The following TOLLIP variants were observed in gnomAD, a reference collection of about 807,000 sequenced individuals.
TOLLIP encodes toll-interacting protein.
A neutral mutation model predicts 33.5 loss-of-function variants in TOLLIP; 16 were observed. The observed-to-expected ratio is 0.48, with a 90% CI of 0.32 to 0.72. The LOEUF (loss-of-function observed/expected upper bound fraction) is 0.72. Among genes scored for constraint, TOLLIP ranks in the 30% least tolerant of loss-of-function variants. The pLI is 0.03. For missense variants in TOLLIP, 325 were observed against 396.6 expected (o/e 0.82, Z 1.53); for synonymous variants, 176 against 163.7 (o/e 1.07, Z -0.57).
intron 2 of TOLLIP, chr11:1,295,430 C>T (rs1276863498): frequency 3.9e-5 from 21 of 536,304 alleles, no homozygotes. Context: ...CCTACACCCA[C>T]TACTCATCAC....
chr11:1,280,990 C>T (rs1476044853), intron 5 of TOLLIP, among the ~76,000 whole-genome samples: 1 of 152,206 alleles, frequency 6.6e-6, no homozygotes, highest in Non-Finnish European at 1.5e-5. Flanking sequence ...GCCAGCCTGG[C>T]GGAGAGTCTC....
chr11:1,302,517 C>T, intron 1 of TOLLIP: 2 of 933,996 alleles, frequency 2.1e-6, no homozygotes, highest in Non-Finnish European at 1.3e-6. Flanking sequence ...TCCCCATGCC[C>T]ACTCAGCTGC....
At chr11:1,286,173 T>C (rs577070169) in intron 4 of TOLLIP, 81 bp from the exon 5 acceptor site, 2 of 1,103,692 alleles carry the variant, frequency 1.8e-6, no homozygotes, top group Non-Finnish European at 1.3e-6. Context: ...TCCCCACAAT[T>C]GCCCTCCCCA....
intron 5 of TOLLIP, chr11:1,283,312 C>T: frequency 3.0e-6 from 1 of 331,844 alleles, no homozygotes; most frequent in East Asian, 8.6e-5. Flanking sequence ...CCCCTCCAGG[C>T]CAAGGGAGGC....
intron 2 of TOLLIP, 34 bp downstream of exon 2, chr11:1,295,610 GC>G: frequency 1.3e-6 from 2 of 1,505,146 alleles, no homozygotes; most frequent in African/African-American, 2.8e-5. Flanking sequence ...GAGCGCACCA[GC>G]CCCAGGCAGG....
intron 4 of TOLLIP, among the ~76,000 whole-genome samples, 187 bp downstream of exon 4, chr11:1,288,437 G>A (rs1207754561): frequency 2.6e-5 from 4 of 152,226 alleles, no homozygotes; most frequent in Admixed American, 6.5e-5. Flanking sequence ...GGAGCAGTGG[G>A]CAGGGCAGCC....
rs1863394847 is a variant in TOLLIP at position 1,278,825 on chromosome 11, C to T, written c.611-1572G>A. Among the ~76,000 whole-genome samples, 3 of 152,220 alleles carry T rather than the reference C, an allele frequency of 2.0e-5. No individual in the cohort carries two copies. On this transcript the variant is annotated intron_variant, in intron 5 of 5. Coordinates refer to ENST00000317204, the MANE Select transcript of TOLLIP (RefSeq NM_019009.4). The surrounding 1 kb of genome is among the most constrained non-coding windows in gnomAD (Gnocchi z 4.7). The stretch of plus-strand genomic sequence containing the variant: ...ACCCTTTCTTCTTCCTCAAACAAGA[C>T]AAAGGCTTGGGCGCTGTCTGTCCTG...
chr11:1,300,300 C>T (rs886582877), intron 1 of TOLLIP, among the ~76,000 whole-genome samples: 5 of 152,176 alleles, frequency 3.3e-5, no homozygotes, highest in Non-Finnish European at 5.9e-5. Flanking sequence ...CAGAGGATCA[C>T]GACGCAAGCC....
chr11:1,281,561 G>C (rs375415946), intron 5 of TOLLIP, among the ~76,000 whole-genome samples: 4 of 152,190 alleles, frequency 2.6e-5, no homozygotes, highest in Admixed American at 2.6e-4. Context: ...TCTGGGCAGC[G>C]ATCAGCAGGC....
At chr11:1,304,034 T>TAAAAAAA (rs1190313088) in intron 1 of TOLLIP, among the ~76,000 whole-genome samples, 1 of 87,928 alleles carries the variant, frequency 1.1e-5, no homozygotes, top group Non-Finnish European at 2.4e-5. Flanking sequence ...AGCCTCCATG[T>TAAAAAAA]AAAAAAAAAA....
rs992126576 is a variant in TOLLIP, at chr11:1,277,203, C to G, written c.661G>C (p.Ala221Pro). ...CAGCGGGGCTGGGCGTTCACGGCGG[C>G]CGGGGGCAGGGCCACGGGCACCATG... Reference protein sequence around the residue: ...PGMVPVALPPAAVNAQPRCSE... With the variant: ...PGMVPVALPPPAVNAQPRCSE... Residue 221 changes from alanine to proline, a missense_variant, in exon 6 of 6, where the codon GCC (alanine) becomes CCC (proline). By Grantham distance (27) the Ala-to-Pro change is conservative. Transcript: ENST00000317204. This position sits in a 1 kb window ranked among gnomAD's most constrained non-coding sequence, Gnocchi z 4.2. The G allele has an allele frequency of 1.3e-6, 2 of 1,596,790 alleles. No individual in the cohort carries two copies. Among genetic ancestry groups the G allele is most frequent in the African/African-American group, 2.7e-5 (2 of 74,624 alleles).
rs561219579 is a variant in TOLLIP at position 1,303,388 on chromosome 11, C to T, written c.33+6078G>A. Among the ~76,000 whole-genome samples, 5 of 152,288 alleles carry T rather than the reference C, an allele frequency of 3.3e-5. No homozygotes were observed. In the East Asian group the frequency reaches 5.8e-4, roughly 18 times the overall value. ...GGCCCTGGGCGCCGGGCACAGGGCG[C>T]GCGCTGCGGCAGCCTCTGCGTGTCA... is the stretch of plus-strand genomic sequence containing the variant. On this transcript the variant is annotated intron_variant, in intron 1 of 5. Transcript: ENST00000317204. The surrounding 1 kb of genome is among the most constrained non-coding windows in gnomAD (Gnocchi z 4.2).
intron 1 of TOLLIP, among the ~76,000 whole-genome samples, chr11:1,308,343 A>G (rs901939996): frequency 2.6e-5 from 4 of 152,190 alleles, no homozygotes; most frequent in Admixed American, 6.5e-5. Flanking sequence ...TGCTTTCGCC[A>G]TGTGACGTGT....
intron 5 of TOLLIP, among the ~76,000 whole-genome samples, chr11:1,284,704 G>A (rs930328406): frequency 6.6e-6 from 1 of 152,156 alleles, no homozygotes; most frequent in Non-Finnish European, 1.5e-5. Context: ...TCAGACACAC[G>A]CTCTGCTCTT....
At chr11:1,307,326 AGAG>A (rs1564982865) in intron 1 of TOLLIP, among the ~76,000 whole-genome samples, 2 of 152,220 alleles carry the variant, frequency 1.3e-5, no homozygotes, top group Non-Finnish European at 2.9e-5. Context: ...GCACTGGGCA[AGAG>A]GAGATTCTAA....
At chr11:1,289,370 T>A (rs1863856942) in intron 3 of TOLLIP, among the ~76,000 whole-genome samples, 1 of 152,212 alleles carries the variant, frequency 6.6e-6, no homozygotes, top group African/African-American at 2.4e-5. Flanking sequence ...ACCCAGTCTC[T>A]AGCCTCACAA....
In TOLLIP at chr11:1,281,233, G is replaced by A. The variant is rs530063250; in HGVS notation, c.611-3980C>T. Among the ~76,000 whole-genome samples, 15 of 152,290 alleles carry A rather than the reference G, an allele frequency of 9.8e-5. No homozygotes were observed. In the South Asian group the frequency reaches 1.0e-3, roughly 11 times the overall value. ...GTTCTCTTCGGGCCATGATCATGGCGTAAAAGCTTTAATAATCAAGCTGTG... is the reference window on the plus strand; with the variant it reads ...GTTCTCTTCGGGCCATGATCATGGCATAAAAGCTTTAATAATCAAGCTGTG... On this transcript the variant is annotated intron_variant, in intron 5 of 5. Transcript: ENST00000317204.
rs540736958 is a variant in TOLLIP, at chr11:1,278,123, C to A, written c.611-870G>T. Reference sequence around the variant, plus strand: ...GCACCGTGTGGCCGGACTTAAGACTCGCCTCCCAGCCTGGTGGCCGCTCCC... The same window carrying A: ...GCACCGTGTGGCCGGACTTAAGACTAGCCTCCCAGCCTGGTGGCCGCTCCC... On this transcript the variant is annotated intron_variant, in intron 5 of 5. Coordinates refer to ENST00000317204, the MANE Select transcript of TOLLIP (RefSeq NM_019009.4). This position sits in a 1 kb window ranked among gnomAD's most constrained non-coding sequence, Gnocchi z 4.7. Among the ~76,000 whole-genome samples the A allele has an allele frequency of 6.6e-6, 1 of 152,184 alleles. No homozygotes were observed. Among genetic ancestry groups the A allele is most frequent in the Non-Finnish European group, 1.5e-5 (1 of 68,030 alleles).
At chr11:1,284,444 G>A (rs1170864471) in intron 5 of TOLLIP, among the ~76,000 whole-genome samples, 1 of 152,070 alleles carries the variant, frequency 6.6e-6, no homozygotes, top group African/African-American at 2.4e-5. Context: ...CACCTCCTGG[G>A]TTCACACCAT....
Sources: allele counts gnomAD v4.1 joint callset (sites outside exome capture counted in the v4.1 genomes callset), GRCh38; gene constraint gnomAD v4.1.1; non-coding constraint Gnocchi (gnomAD v3.1); transcripts MANE v1.5; gene names NCBI Gene and HGNC (gene_info 2026-07-23, HGNC 2026-07-21).